The following GNG7 variants were observed in gnomAD, a reference collection of about 807,000 sequenced individuals.
The protein encoded by GNG7 is guanine nucleotide-binding protein G(I)/G(S)/G(O) subunit gamma-7.
GNG7 carries 1 observed loss-of-function variant against 4.0 expected under a neutral mutation model. The observed-to-expected ratio is 0.25, with a 90% confidence interval of 0.09 to 1.18. The LOEUF (loss-of-function observed/expected upper bound fraction) is 1.18. Ranked by LOEUF, GNG7 falls within the 50% of genes most tolerant of loss-of-function variation. The pLI, the probability that GNG7 is intolerant of heterozygous loss-of-function variation, is 0.50. For synonymous variants in GNG7, 34 were observed against 36.9 expected (o/e 0.92, Z 0.29); for missense variants, 86 against 91.9 (o/e 0.94, Z 0.26).
intron 2 of GNG7, among the ~76,000 whole-genome samples, chr19:2,628,273 C>A (rs976577707): frequency 6.6e-6 from 1 of 152,280 alleles, no homozygotes; most frequent in Admixed American, 6.5e-5. Flanking sequence ...GAGTTGTCAT[C>A]TGGAATTTGG....
chr19:2,658,008 G>GC (rs1299715919), intron 1 of GNG7, among the ~76,000 whole-genome samples: 6 of 151,972 alleles, frequency 3.9e-5, no homozygotes, highest in African/African-American at 1.5e-4. Flanking sequence ...TCCTTACCCT[G>GC]CCCCCTTGTC....
chr19:2,660,634 T>C lies in GNG7; in HGVS notation c.-134-14354A>G, dbSNP rs111275253. ...ACCCCACCACCATCTGTACAAAAAATACAAAAATTAGCCAGTCGTGATGGT... is the reference window on the plus strand; with the variant it reads ...ACCCCACCACCATCTGTACAAAAAACACAAAAATTAGCCAGTCGTGATGGT... On this transcript the variant is annotated intron_variant, in intron 1 of 4. Coordinates refer to ENST00000382159, the MANE Select transcript of GNG7 (RefSeq NM_052847.3). Among the ~76,000 whole-genome samples the C allele has an allele frequency of 6.5e-3, 989 of 151,954 alleles. 11 individuals carry two copies. Among genetic ancestry groups the C allele is most frequent in the African/African-American group, 0.023 (936 of 41,424 alleles).
intron 3 of GNG7, among the ~76,000 whole-genome samples, chr19:2,545,946 C>G (rs1979109699): frequency 1.4e-5 from 2 of 146,472 alleles, no homozygotes; most frequent in Non-Finnish European, 3.1e-5. Context: ...CGGAGCGAGA[C>G]TCTGCCTCAA....
chr19:2,685,123 TAA>T (rs553248760), intron 1 of GNG7, among the ~76,000 whole-genome samples: 2 of 131,406 alleles, frequency 1.5e-5, no homozygotes, highest in Admixed American at 7.8e-5. Flanking sequence ...AGACTCTGTC[TAA>T]AAAAAAAAAA....
At chr19:2,525,579 C>G (rs1321326924) in intron 3 of GNG7, among the ~76,000 whole-genome samples, 2 of 152,052 alleles carry the variant, frequency 1.3e-5, no homozygotes, top group Non-Finnish European at 2.9e-5. Flanking sequence ...TGATCAGACA[C>G]GAGGCTCCAG....
intron 3 of GNG7, among the ~76,000 whole-genome samples, chr19:2,527,429 T>C (rs1300642925): frequency 6.6e-6 from 1 of 152,150 alleles, no homozygotes; most frequent in Non-Finnish European, 1.5e-5. Context: ...TCTGGAGCTG[T>C]GCCCCCGCCC....
intron 2 of GNG7, among the ~76,000 whole-genome samples, chr19:2,608,657 T>C (rs1981468702): frequency 1.3e-5 from 2 of 152,152 alleles, no homozygotes; most frequent in Admixed American, 6.5e-5. Context: ...CAACCCCCTC[T>C]CTCTGCAGCA....
At chr19:2,662,389 G>C (rs745988422) in intron 1 of GNG7, among the ~76,000 whole-genome samples, 2 of 151,916 alleles carry the variant, frequency 1.3e-5, no homozygotes, top group Admixed American at 1.3e-4. Context: ...TATCTACCTG[G>C]AGACAGCCTT....
intron 1 of GNG7, among the ~76,000 whole-genome samples, chr19:2,678,242 C>T (rs1983642384): frequency 6.6e-5 from 10 of 152,136 alleles, no homozygotes; most frequent in Admixed American, 6.5e-4. Context: ...TCTCAGGGCA[C>T]ATGCTACATT....
Position 2,661,302 on chromosome 19 carries a change from G to GAAAGAAAGAAAGAAAGAAAGAAAA in GNG7, c.-134-15023_-134-15022insTTTTCTTTCTTTCTTTCTTTCTTT. ...AGAAAGAAAGAAAGAAAGAAAGAAA[G>GAAAGAAAGAAAGAAAGAAAGAAAA]AGAAAGAAAGAAAGAAAGAAAGAAA... On this transcript the variant is annotated intron_variant, in intron 1 of 4. Coordinates refer to ENST00000382159, the MANE Select transcript of GNG7 (RefSeq NM_052847.3). Among the ~76,000 whole-genome samples, 153 of 73,124 alleles carry GAAAGAAAGAAAGAAAGAAAGAAAA rather than the reference G, an allele frequency of 2.1e-3. 3 individuals are homozygous for GAAAGAAAGAAAGAAAGAAAGAAAA. Among genetic ancestry groups the GAAAGAAAGAAAGAAAGAAAGAAAA allele is most frequent in the African/African-American group, 5.1e-3 (94 of 18,502 alleles). The allele number at this position is 73,124 out of a possible 152,430, so 48.0% of individuals were successfully genotyped here. A position where few individuals can be genotyped will look rare whatever the true frequency, so the allele number is the denominator to read the frequency against.
chr19:2,556,342 C>A (rs1304881937), intron 2 of GNG7, among the ~76,000 whole-genome samples: 1 of 152,216 alleles, frequency 6.6e-6, no homozygotes, highest in Non-Finnish European at 1.5e-5. Context: ...CTGCACCGGG[C>A]CCAACCCAGG....
chr19:2,541,892 G>A (rs900175888), intron 3 of GNG7, among the ~76,000 whole-genome samples: 1 of 152,130 alleles, frequency 6.6e-6, no homozygotes, highest in African/African-American at 2.4e-5. Context: ...TCCAGACTGG[G>A]GGACAAAGTG....
intron 2 of GNG7, among the ~76,000 whole-genome samples, chr19:2,641,547 C>G (rs531428028): frequency 3.6e-4 from 55 of 152,220 alleles, no homozygotes; most frequent in African/African-American, 1.3e-3. Context: ...TGCCTCTAGA[C>G]GCTGGGAAAT....
chr19:2,677,050 G>T (rs994813366), intron 1 of GNG7, among the ~76,000 whole-genome samples: 1 of 152,126 alleles, frequency 6.6e-6, no homozygotes, highest in African/African-American at 2.4e-5. Context: ...TATCTTTACT[G>T]CAGACCCAAA....
intron 2 of GNG7, among the ~76,000 whole-genome samples, chr19:2,573,799 C>T (rs988450506): frequency 1.3e-5 from 2 of 152,144 alleles, no homozygotes; most frequent in African/African-American, 2.4e-5. Context: ...GCCGAGATCA[C>T]GCCACTGCAC....
intron 1 of GNG7, among the ~76,000 whole-genome samples, chr19:2,656,815 C>T (rs534949492): frequency 1.3e-5 from 2 of 152,274 alleles, no homozygotes; most frequent in South Asian, 2.1e-4. Context: ...AATTTACCTC[C>T]GGCCCTTTAG....
intron 2 of GNG7, among the ~76,000 whole-genome samples, chr19:2,592,230 G>A (rs1568255188): frequency 2.6e-5 from 4 of 152,040 alleles, no homozygotes; most frequent in Admixed American, 6.6e-5. Flanking sequence ...ACAAGAACGC[G>A]CTAACTAAAA....
intron 2 of GNG7, among the ~76,000 whole-genome samples, chr19:2,645,270 G>A (rs1982635964): frequency 7.8e-6 from 1 of 127,926 alleles, no homozygotes; most frequent in Admixed American, 8.8e-5. Context: ...AAGGAGTTTC[G>A]CTCTGTCACC....
At position 2,617,665 on chromosome 19, in the gene GNG7, G is replaced by A. The variant is rs73919812; in HGVS notation, c.-78+28559C>T. Among the ~76,000 whole-genome samples the A allele has an allele frequency of 4.2e-3, 637 of 151,834 alleles. 5 individuals are homozygous for A. Among genetic ancestry groups the A allele is most frequent in the African/African-American group, 0.015 (602 of 41,420 alleles). ...CCTTAGAGACCTTCCTGGACACCACGTGGCACAGACTCTCTCCTCTTGGTG... is the reference window on the plus strand; with the variant it reads ...CCTTAGAGACCTTCCTGGACACCACATGGCACAGACTCTCTCCTCTTGGTG... On this transcript the variant is annotated intron_variant, in intron 2 of 4. Coordinates refer to ENST00000382159, the MANE Select transcript of GNG7 (RefSeq NM_052847.3). The surrounding 1 kb of genome is among the most constrained non-coding windows in gnomAD (Gnocchi z 4.7).
Sources: gnomAD v4.1 joint callset for allele counts (sites outside exome capture counted in the v4.1 genomes callset) on GRCh38, gnomAD v4.1.1 for gene constraint, Gnocchi (gnomAD v3.1) non-coding constraint, MANE v1.5 for transcripts, NCBI Gene and HGNC (gene_info 2026-07-23, HGNC 2026-07-21) for gene names.